Variants in SYNDIG1 observed in about 807,000 individuals in gnomAD.
SYNDIG1 encodes synapse differentiation-inducing gene protein 1.
In SYNDIG1, 9 loss-of-function variants were observed where a neutral mutation model predicts 19.4. The observed-to-expected ratio is 0.46, with a 90% confidence interval of 0.28 to 0.81. The LOEUF (loss-of-function observed/expected upper bound fraction) is 0.81. Among genes scored for constraint, SYNDIG1 ranks in the 30% least tolerant of loss-of-function variants. The pLI is 0.12. For missense variants in SYNDIG1, 311 were observed against 343.3 expected, an observed-to-expected ratio of 0.91 and a Z score of 0.74; for synonymous variants, 141 against 145.9, an observed-to-expected ratio of 0.97 and a Z score of 0.24.
intron 3 of SYNDIG1, among the ~76,000 whole-genome samples, chr20:24,644,467 A>C (rs2059405811): frequency 6.6e-6 from 1 of 152,212 alleles, no homozygotes; most frequent in African/African-American, 2.4e-5. Context: ...TGCTTGTTAC[A>C]GTGGAGTGCA....
intron 2 of SYNDIG1, 66 bp from the exon 3 acceptor site, chr20:24,584,790 G>A: frequency 6.2e-7 from 1 of 1,609,404 alleles, no homozygotes; most frequent in Non-Finnish European, 8.5e-7. Context: ...CACATCCCTG[G>A]ACACCCCAGG....
chr20:24,548,098 G>C (rs921155503), intron 2 of SYNDIG1, among the ~76,000 whole-genome samples: 1 of 152,152 alleles, frequency 6.6e-6, no homozygotes, highest in African/African-American at 2.4e-5. Flanking sequence ...TCGAATCCTC[G>C]AAGCGCTTGG....
chr20:24,499,472 C>T (rs1254158364), intron 1 of SYNDIG1, among the ~76,000 whole-genome samples: 1 of 152,238 alleles, frequency 6.6e-6, no homozygotes, highest in Admixed American at 6.5e-5. Flanking sequence ...ATATTCACCA[C>T]CACCCTACTC....
At chr20:24,475,916 A>C (rs2055609714) in intron 1 of SYNDIG1, among the ~76,000 whole-genome samples, 1 of 149,892 alleles carries the variant, frequency 6.7e-6, no homozygotes, top group African/African-American at 2.5e-5. Context: ...GCTGGAGTGC[A>C]GTGGCACAAT....
chr20:24,607,360 CAAAAAA>C (rs59085965), intron 3 of SYNDIG1, among the ~76,000 whole-genome samples: 1 of 107,472 alleles, frequency 9.3e-6, no homozygotes, highest in Non-Finnish European at 1.9e-5. Context: ...GACTCCGTCT[CAAAAAA>C]AAAAAAAAAA....
intron 2 of SYNDIG1, among the ~76,000 whole-genome samples, chr20:24,550,665 T>C (rs2057688849): frequency 1.3e-5 from 2 of 152,048 alleles, no homozygotes; most frequent in Admixed American, 1.3e-4. Context: ...CCCGCCACCA[T>C]GCCCGGCTAA....
intron 3 of SYNDIG1, among the ~76,000 whole-genome samples, chr20:24,645,422 G>A (rs1041971591): frequency 3.3e-5 from 5 of 152,248 alleles, no homozygotes; most frequent in Admixed American, 6.5e-5. Flanking sequence ...CCACGCTGCC[G>A]GATAGGATGC....
Position 24,515,357 on chromosome 20 carries a change from A to G in SYNDIG1, c.-78-27663A>G, listed in dbSNP as rs551464378. ...CAGGAGCTGGTTTTTTGAAAAGATC[A>G]AAAGAAAGCATATTCAATTAGGAAA... On this transcript the variant is annotated intron_variant, in intron 1 of 3. Coordinates refer to ENST00000376862, the MANE Select transcript of SYNDIG1 (RefSeq NM_024893.3). Among the ~76,000 whole-genome samples the G allele has an allele frequency of 3.5e-4, 53 of 152,296 alleles. 1 individual carries two copies. The South Asian group carries it at 0.011, about 30-fold the overall frequency.
At chr20:24,550,539 C>G (rs1414116657) in intron 2 of SYNDIG1, among the ~76,000 whole-genome samples, 1 of 150,592 alleles carries the variant, frequency 6.6e-6, no homozygotes, top group African/African-American at 2.4e-5. Context: ...GACGGAGTCT[C>G]TCTCTGTCGC....
At chr20:24,530,851 C>T (rs184584399) in intron 1 of SYNDIG1, among the ~76,000 whole-genome samples, 1 of 151,722 alleles carries the variant, frequency 6.6e-6, no homozygotes, top group East Asian at 1.9e-4. Context: ...TTCTGTCGCC[C>T]AGGCTGGAGA....
intron 3 of SYNDIG1, among the ~76,000 whole-genome samples, chr20:24,586,548 C>G (rs1292529692): frequency 6.6e-6 from 1 of 152,192 alleles, no homozygotes; most frequent in Non-Finnish European, 1.5e-5. Context: ...TAAACTGCAC[C>G]CTGATGCTGC....
chr20:24,577,906 T>A (rs1395237624), intron 2 of SYNDIG1, among the ~76,000 whole-genome samples: 1 of 151,970 alleles, frequency 6.6e-6, no homozygotes, highest in Non-Finnish European at 1.5e-5. Context: ...GAATGCAGAG[T>A]ATTCATGGGT....
At chr20:24,561,615 A>C (rs1725725710) in intron 2 of SYNDIG1, among the ~76,000 whole-genome samples, 1 of 152,208 alleles carries the variant, frequency 6.6e-6, no homozygotes, top group Admixed American at 6.5e-5. Flanking sequence ...AATTTTTCAT[A>C]AATAACACAT....
chr20:24,650,454 A>G (rs1170302244), intron 3 of SYNDIG1, among the ~76,000 whole-genome samples: 1 of 152,256 alleles, frequency 6.6e-6, no homozygotes, highest in African/African-American at 2.4e-5. Flanking sequence ...CCACGCAGTC[A>G]TCACGTACGT....
intron 2 of SYNDIG1, among the ~76,000 whole-genome samples, chr20:24,547,126 A>C (rs2057594059): frequency 6.6e-6 from 1 of 151,364 alleles, no homozygotes; most frequent in Admixed American, 6.6e-5. Context: ...GGGTCAGAGC[A>C]GGGCCCCCTC....
At chr20:24,609,968 C>T (rs1171122604) in intron 3 of SYNDIG1, among the ~76,000 whole-genome samples, 1 of 152,190 alleles carries the variant, frequency 6.6e-6, no homozygotes, top group Non-Finnish European at 1.5e-5. Flanking sequence ...ACGTGCAACA[C>T]TGCTCACCAC....
Position 24,666,525 on chromosome 20 carries a change from T to A in SYNDIG1, c.*1021T>A, listed in dbSNP as rs1459649865. 1 of 152,696 alleles carries A rather than the reference T, an allele frequency of 6.5e-6. No homozygotes were observed. Among genetic ancestry groups the A allele is most frequent in the East Asian group, 1.9e-4 (1 of 5,206 alleles). 9.5% of individuals were successfully genotyped at this position (152,696 alleles called of 1,614,324 possible). On this transcript the variant is annotated 3_prime_UTR_variant, in exon 4 of 4. Transcript: ENST00000376862. ...GAGAAATAAGTAATCACAGACATTT[T>A]AATACCATTTCATTGCTGTTTTACG...
chr20:24,508,776 G>A (rs1402283232), intron 1 of SYNDIG1, among the ~76,000 whole-genome samples: 1 of 152,142 alleles, frequency 6.6e-6, no homozygotes, highest in African/African-American at 2.4e-5. Context: ...AAAACCATGA[G>A]TGTGCACCAG....
intron 3 of SYNDIG1, among the ~76,000 whole-genome samples, chr20:24,648,159 G>A (rs545542020): frequency 1.3e-5 from 2 of 152,186 alleles, no homozygotes; most frequent in Non-Finnish European, 2.9e-5. Context: ...TATGAAGTTG[G>A]GGGGTGGGGT....
Sources: gnomAD v4.1 joint callset for allele counts (sites outside exome capture counted in the v4.1 genomes callset) on GRCh38, gnomAD v4.1.1 for gene constraint, MANE v1.5 for transcripts, NCBI Gene and HGNC (gene_info 2026-07-23, HGNC 2026-07-21) for gene names.